ZNF337: variants seen among roughly 807,000 people sequenced by gnomAD.
ZNF337 encodes the protein zinc finger protein 337.
In ZNF337, 8 loss-of-function variants were observed where a neutral mutation model predicts 12.1. The ratio of observed to expected loss-of-function variants is 0.66; its 90% CI spans 0.39 to 1.19. The LOEUF is 1.19. Ranked by LOEUF, ZNF337 falls within the 50% of genes most tolerant of loss-of-function variation. The pLI is 0.01. For missense variants in ZNF337, 882 were observed against 896.6 expected (o/e 0.98, Z 0.21); for synonymous variants, 336 against 320.0 (o/e 1.05, Z -0.53).
chr20:25,696,650 AGC>A (rs983520518), intron 1 of ZNF337, 107 bp downstream of exon 1: 4 of 775,968 alleles, frequency 5.2e-6, no homozygotes, highest in African/African-American at 3.8e-5. Context: ...GGCCTGGAGG[AGC>A]GCGCGCTACG....
Position 25,676,379 on chromosome 20 carries a change from A to C in ZNF337, c.909T>G (p.Asp303Glu), listed in dbSNP as rs200404938. The C allele has an allele frequency of 1.2e-6, 2 of 1,614,024 alleles. No homozygotes were observed. Among genetic ancestry groups the C allele is most frequent in the Non-Finnish European group, 1.7e-6 (2 of 1,180,038 alleles). ...TCAAGTGCTTGTTGTATGAGGACTTATCGTTAAACCTTCGCCCACACTCCT... is the reference window on the plus strand; with the variant it reads ...TCAAGTGCTTGTTGTATGAGGACTTCTCGTTAAACCTTCGCCCACACTCCT... Reference protein sequence around the residue: ...ECQECGRRFNDKSSYNKHLKA... With the variant: ...ECQECGRRFNEKSSYNKHLKA... The change falls in exon 5 of 5, where the codon GAT becomes GAG. Residue 303 changes from aspartate (D) to glutamate (E), a missense_variant. Coordinates refer to ENST00000252979, the MANE Select transcript of ZNF337 (RefSeq NM_015655.4).
At position 25,676,735 on chromosome 20, in the gene ZNF337, G is replaced by A. The variant is rs1254542565; in HGVS notation, c.553C>T (p.Arg185Cys). ...ATCTTCCGGCTGAAGTCTTGCCCACGCTCTGCACACTTGAATGCTCCCCAT... is the reference window on the plus strand; with the variant it reads ...ATCTTCCGGCTGAAGTCTTGCCCACACTCTGCACACTTGAATGCTCCCCAT... ...SRWGAFKCAE[R>C]GQDFSRKMMV... The change falls in exon 5 of 5, where the codon CGT becomes TGT. Residue 185 changes from arginine to cysteine, a missense_variant. Physicochemically the swap from Arg to Cys is radical, Grantham distance 180. Coordinates refer to ENST00000252979, the MANE Select transcript of ZNF337 (RefSeq NM_015655.4). The A allele has an allele frequency of 3.1e-6, 5 of 1,614,148 alleles. No individual in the cohort carries two copies. The highest frequency in any genetic ancestry group is 4.2e-6 in the Non-Finnish European group (5 of 1,180,028).
Position 25,676,880 on chromosome 20 carries a change from G to A in ZNF337, c.408C>T (p.Pro136=), listed in dbSNP as rs756376379. Residue 136 remains proline, a synonymous_variant, in exon 5 of 5, where the codon CCC becomes CCT. Transcript: ENST00000252979. Reference sequence around the variant, plus strand: ...TCCTTGAGCTTACTGCATGTCTTAGGGGTGGGCTGGAAAATGCCATGGGCT... The same window carrying A: ...TCCTTGAGCTTACTGCATGTCTTAGAGGTGGGCTGGAAAATGCCATGGGCT... ...STKPMAFSSP[P]LRHAVSSRRR... The A allele has an allele frequency of 1.4e-5, 23 of 1,614,092 alleles. No homozygotes were observed. The highest frequency in any genetic ancestry group is 1.9e-5 in the Non-Finnish European group (22 of 1,180,020).
intron 4 of ZNF337, among the ~76,000 whole-genome samples, chr20:25,678,320 C>T (rs914269806): frequency 6.6e-6 from 1 of 151,816 alleles, no homozygotes; most frequent in African/African-American, 2.4e-5. Flanking sequence ...GAATAAACAA[C>T]CCCAAATTAA....
In ZNF337 at chr20:25,676,879, G is replaced by C. The variant is rs1301387574; in HGVS notation, c.409C>G (p.Leu137Val). 1.9e-6 allele frequency: 3 copies of C among 1,614,010 alleles called. No individual in the cohort carries two copies. The African/African-American group carries it at 4.0e-5, about 22-fold the overall frequency. The change falls in exon 5 of 5, where the codon CTA (leucine) becomes GTA (valine). Residue 137 changes from leucine to valine, a missense_variant. Transcript: ENST00000252979. ...CTCCTTGAGCTTACTGCATGTCTTA[G>C]GGGTGGGCTGGAAAATGCCATGGGC... ...TKPMAFSSPP[L>V]RHAVSSRRRN...
In ZNF337 at chr20:25,686,114, C is replaced by T; in HGVS notation, c.36G>A (p.Leu12=). Residue 12 remains leucine, a synonymous_variant, in exon 3 of 5, where the codon TTG becomes TTA. Coordinates refer to ENST00000252979, the MANE Select transcript of ZNF337 (RefSeq NM_015655.4). ...GPQGARRQAF[L]AFGDVTVDFT... is the part of the protein sequence containing the mutation. ...AATCCACAGTGACATCCCCAAATGC[C>T]AAGAAAGCCTGTAACACAAAACCCA... The T allele has an allele frequency of 1.2e-6, 2 of 1,613,974 alleles. No homozygotes were observed. The highest frequency in any genetic ancestry group is 1.7e-6 in the Non-Finnish European group (2 of 1,179,976).
chr20:25,692,014 G>GCA (rs2065885781), intron 1 of ZNF337, among the ~76,000 whole-genome samples: 2 of 152,032 alleles, frequency 1.3e-5, no homozygotes, highest in Non-Finnish European at 2.9e-5. Context: ...GCAGGCAGAA[G>GCA]GAAGGAAGGG....
At chr20:25,686,301 G>T in intron 2 of ZNF337, 90 bp downstream of exon 2, 1 of 1,468,654 alleles carries the variant, frequency 6.8e-7, no homozygotes. Context: ...TGCTGGCCTT[G>T]GTCCTGTGCT....
intron 4 of ZNF337, among the ~76,000 whole-genome samples, chr20:25,678,469 C>G (rs1020327306): frequency 1.3e-5 from 2 of 152,066 alleles, no homozygotes; most frequent in Non-Finnish European, 2.9e-5. Context: ...ACTGCAATAC[C>G]TATTAAAATA....
At chr20:25,696,032 G>C (rs867127216) in intron 1 of ZNF337, among the ~76,000 whole-genome samples, 22 of 148,930 alleles carry the variant, frequency 1.5e-4, no homozygotes, top group African/African-American at 4.4e-4. Flanking sequence ...CCAGGGAAGA[G>C]GCCACCTGGG....
chr20:25,678,028 G>A (rs2065726055), intron 4 of ZNF337: 2 of 152,122 alleles, frequency 1.3e-5, no homozygotes, highest in Admixed American at 1.3e-4. Flanking sequence ...ATAGTTCAGG[G>A]AGTCCTAGTC....
intron 1 of ZNF337, among the ~76,000 whole-genome samples, chr20:25,688,255 A>G (rs972787513): frequency 2.6e-5 from 4 of 152,218 alleles, no homozygotes; most frequent in African/African-American, 9.6e-5. Flanking sequence ...GCTAGGTTAC[A>G]GAAATACAAG....
intron 4 of ZNF337, among the ~76,000 whole-genome samples, chr20:25,683,980 T>G (rs1026412470): frequency 1.1e-4 from 16 of 151,812 alleles, no homozygotes; most frequent in African/African-American, 3.1e-4. Flanking sequence ...TAGACTGGAT[T>G]AAGAAAATGT....
At chr20:25,682,344 TATA>T (rs1324479336) in intron 4 of ZNF337, among the ~76,000 whole-genome samples, 1 of 152,114 alleles carries the variant, frequency 6.6e-6, no homozygotes, top group Admixed American at 6.6e-5. Flanking sequence ...CCAATAAAAT[TATA>T]ATAATTCTAA....
chr20:25,686,260 C>T, intron 2 of ZNF337, 131 bp downstream of exon 2: 1 of 1,489,686 alleles, frequency 6.7e-7, no homozygotes, highest in Non-Finnish European at 9.2e-7. Flanking sequence ...CTGGAGGACG[C>T]CAGGAAAGAC....
intron 4 of ZNF337, among the ~76,000 whole-genome samples, chr20:25,682,093 A>G (rs1424357931): frequency 6.6e-6 from 1 of 152,232 alleles, no homozygotes; most frequent in Non-Finnish European, 1.5e-5. Flanking sequence ...GCTGGAGGAA[A>G]GGAAGTATTA....
intron 1 of ZNF337, among the ~76,000 whole-genome samples, chr20:25,688,338 T>TACAG (rs58043679): frequency 0.15 from 22,339 of 152,128 alleles, 3,348 homozygotes; most frequent in African/African-American, 0.39. Flanking sequence ...GTTGTTTAAC[T>TACAG]ATTCTTCCAT....
rs1555885035 is a variant in ZNF337 at position 25,675,762 on chromosome 20, G to T, written c.1526C>A (p.Ala509Glu). 6.2e-7 allele frequency: 1 copy of T among 1,614,020 alleles called. No homozygotes were observed. The highest frequency in any genetic ancestry group is 1.6e-4 in the Middle Eastern group (1 of 6,062). ...GAAAAAACGTTTCTCACCCAAGTGT[G>T]CCCTCAGGTGCTTGTTATAGGAGGA... ...DKSSYNKHLR[A>E]HLGEKRFFCR... is the part of the protein sequence containing the mutation. Residue 509 changes from alanine (A) to glutamate (E), a missense_variant, in exon 5 of 5, where the codon GCA becomes GAA. Coordinates refer to ENST00000252979, the MANE Select transcript of ZNF337 (RefSeq NM_015655.4).
intron 1 of ZNF337, among the ~76,000 whole-genome samples, chr20:25,696,509 G>A (rs1238502567): frequency 6.6e-6 from 1 of 152,188 alleles, no homozygotes; most frequent in East Asian, 1.9e-4. Context: ...CGCCCGAGCC[G>A]CCACTACACG....
Sources: gnomAD v4.1 joint callset for allele counts (sites outside exome capture counted in the v4.1 genomes callset) on GRCh38, gnomAD v4.1.1 for gene constraint, MANE v1.5 for transcripts, NCBI Gene and HGNC (gene_info 2026-07-23, HGNC 2026-07-21) for gene names.